Variants in PDE10A observed in about 807,000 individuals in gnomAD.
The protein encoded by PDE10A is phosphodiesterase 10A.
PDE10A carries 39 observed loss-of-function variants against 97.7 expected under a neutral mutation model. That is an observed-to-expected ratio of 0.40 (90% CI 0.31 to 0.52). The LOEUF is 0.52. Among genes scored for constraint, PDE10A ranks in the 20% least tolerant of loss-of-function variants. The probability of loss-of-function intolerance (pLI) is 0.56; values close to 1 mark genes in which losing one functional copy is unlikely to be tolerated. For synonymous variants in PDE10A, 371 were observed against 376.8 expected (o/e 0.98, Z 0.18); for missense variants, 731 against 1,047.8 (o/e 0.70, Z 4.17).
At chr6:165,868,423 A>C (rs551284464) in intron 1 of PDE10A, among the ~76,000 whole-genome samples, 47 of 152,208 alleles carry the variant, frequency 3.1e-4, no homozygotes, top group African/African-American at 1.1e-3. Flanking sequence ...GAAATGGATA[A>C]ATTCCTAGAC....
At chr6:165,470,242 G>A (rs908814912) in intron 3 of PDE10A, among the ~76,000 whole-genome samples, 2 of 152,118 alleles carry the variant, frequency 1.3e-5, no homozygotes, top group Non-Finnish European at 2.9e-5. Flanking sequence ...ACTTGTTAGG[G>A]CCAAACAAAC....
intron 5 of PDE10A, among the ~76,000 whole-genome samples, chr6:165,439,024 A>C (rs1204361840): frequency 6.6e-6 from 1 of 152,066 alleles, no homozygotes; most frequent in Non-Finnish European, 1.5e-5. Flanking sequence ...TGAAGGCATT[A>C]ATCATTAATA....
At chr6:165,559,337 T>C (rs969942015) in intron 1 of PDE10A, among the ~76,000 whole-genome samples, 1 of 152,224 alleles carries the variant, frequency 6.6e-6, no homozygotes, top group Admixed American at 6.5e-5. Context: ...GTCATCCATT[T>C]TGATAATAGC....
At chr6:165,854,857 G>A (rs1409364600) in intron 1 of PDE10A, among the ~76,000 whole-genome samples, 1 of 152,206 alleles carries the variant, frequency 6.6e-6, no homozygotes, top group Non-Finnish European at 1.5e-5. Flanking sequence ...GCGGGGCTGG[G>A]TCAGGCACAA....
At chr6:165,797,917 T>C (rs1372483569) in intron 1 of PDE10A, among the ~76,000 whole-genome samples, 2 of 152,226 alleles carry the variant, frequency 1.3e-5, no homozygotes, top group Non-Finnish European at 2.9e-5. Context: ...TCTACTTTGA[T>C]AGAACATAAT....
chr6:165,828,982 T>C (rs903758283), intron 1 of PDE10A, among the ~76,000 whole-genome samples: 3 of 152,232 alleles, frequency 2.0e-5, no homozygotes, highest in African/African-American at 7.2e-5. Context: ...GCATCTATCT[T>C]AGATCCTGCC....
chr6:165,579,760 G>C (rs963058183), intron 1 of PDE10A, among the ~76,000 whole-genome samples: 5 of 152,124 alleles, frequency 3.3e-5, no homozygotes, highest in Non-Finnish European at 1.5e-5. Context: ...GTCCTTACAT[G>C]GCCTGTTCCT....
intron 1 of PDE10A, among the ~76,000 whole-genome samples, chr6:165,958,150 C>T (rs1323647813): frequency 6.6e-6 from 1 of 152,102 alleles, no homozygotes; most frequent in Admixed American, 6.5e-5. Flanking sequence ...AGTAGAGACC[C>T]AGCGTCTCCG....
intron 2 of PDE10A, among the ~76,000 whole-genome samples, chr6:165,538,358 G>A (rs996810113): frequency 7.9e-5 from 12 of 151,832 alleles, no homozygotes; most frequent in South Asian, 2.1e-4. Flanking sequence ...TGATACGGTC[G>A]GCTATTGAAT....
intron 5 of PDE10A, among the ~76,000 whole-genome samples, chr6:165,436,443 T>A (rs1224726863): frequency 6.6e-6 from 1 of 152,116 alleles, no homozygotes; most frequent in East Asian, 1.9e-4. Flanking sequence ...ATAAACCCCA[T>A]AAACTTGGTT....
chr6:165,426,477 C>T (rs997079242), intron 10 of PDE10A, among the ~76,000 whole-genome samples: 3 of 152,040 alleles, frequency 2.0e-5, no homozygotes, highest in African/African-American at 7.2e-5. Flanking sequence ...AAAGTTAACT[C>T]AAAACAGATC....
intron 2 of PDE10A, among the ~76,000 whole-genome samples, chr6:165,518,516 G>A (rs950073562): frequency 6.6e-6 from 1 of 152,058 alleles, no homozygotes; most frequent in Non-Finnish European, 1.5e-5. Flanking sequence ...TCTGGCTTAC[G>A]GGATCAACCG....
chr6:165,353,831 T>A (rs1275309903), intron 18 of PDE10A, among the ~76,000 whole-genome samples: 2 of 152,168 alleles, frequency 1.3e-5, no homozygotes, highest in Non-Finnish European at 2.9e-5. Flanking sequence ...CCATAGAAGG[T>A]ACACATCATT....
At chr6:165,530,563 A>C (rs186247821) in intron 2 of PDE10A, among the ~76,000 whole-genome samples, 21 of 152,046 alleles carry the variant, frequency 1.4e-4, no homozygotes, top group African/African-American at 4.3e-4. Context: ...TCAATTGTCA[A>C]ACTTCAGCAT....
At chr6:165,834,427 G>C (rs1416178594) in intron 1 of PDE10A, among the ~76,000 whole-genome samples, 1 of 152,248 alleles carries the variant, frequency 6.6e-6, no homozygotes, top group Non-Finnish European at 1.5e-5. Context: ...GGGTGGCTGA[G>C]CTGGTGCCCC....
intron 1 of PDE10A, among the ~76,000 whole-genome samples, chr6:165,866,666 CA>C (rs1491487414): frequency 1.9e-5 from 1 of 51,518 alleles, no homozygotes; most frequent in African/African-American, 9.3e-5. Context: ...CTAAAAACAG[CA>C]AAAAAACAAC....
At chr6:165,953,970 T>C (rs1583339542) in intron 1 of PDE10A, among the ~76,000 whole-genome samples, 1 of 152,358 alleles carries the variant, frequency 6.6e-6, no homozygotes, top group East Asian at 1.9e-4. Flanking sequence ...AATGTCTCCA[T>C]AGTTTCATCT....
intron 13 of PDE10A, 50 bp downstream of exon 13, chr6:165,413,451 C>A: frequency 6.2e-6 from 8 of 1,281,674 alleles, no homozygotes; most frequent in East Asian, 2.5e-5. Flanking sequence ...GAAAAAGATT[C>A]CAAATTAATA....
intron 1 of PDE10A, among the ~76,000 whole-genome samples, chr6:165,822,826 A>G (rs1779611524): frequency 6.6e-6 from 1 of 152,058 alleles, no homozygotes; most frequent in Non-Finnish European, 1.5e-5. Context: ...CTTACTGTGT[A>G]ACTTTTTAAC....
Sources: gnomAD v4.1 joint callset for allele counts (sites outside exome capture counted in the v4.1 genomes callset) on GRCh38, gnomAD v4.1.1 for gene constraint, MANE v1.5 for transcripts, NCBI Gene and HGNC (gene_info 2026-07-23, HGNC 2026-07-21) for gene names.